Variants in KPNA7 observed in about 807,000 individuals in gnomAD.
KPNA7 encodes the protein importin subunit alpha-8.
KPNA7 carries 54 observed loss-of-function variants against 53.7 expected under a neutral mutation model. The ratio of observed to expected loss-of-function variants is 1.01; its 90% CI spans 0.81 to 1.26. The LOEUF (loss-of-function observed/expected upper bound fraction) is 1.26, where lower values mean the gene tolerates loss of function less well. KPNA7 is among the 50% of genes most tolerant of loss of function. The pLI is 0.00. For missense variants in KPNA7, 640 were observed against 644.5 expected (o/e 0.99, Z 0.07); for synonymous variants, 276 against 259.3 (o/e 1.06, Z -0.62).
chr7:99,183,997 A>C (rs1346267159), intron 8 of KPNA7, among the ~76,000 whole-genome samples: 1 of 151,574 alleles, frequency 6.6e-6, no homozygotes, highest in Non-Finnish European at 1.5e-5. Flanking sequence ...ACAGGCACCC[A>C]CCACCACACC....
chr7:99,213,616 T>A (rs1791132409), intron 1 of KPNA7, among the ~76,000 whole-genome samples: 2 of 151,782 alleles, frequency 1.3e-5, no homozygotes, highest in African/African-American at 4.8e-5. Flanking sequence ...ACTAATTTTT[T>A]AAATTTTTTG....
intron 1 of KPNA7, among the ~76,000 whole-genome samples, chr7:99,218,934 G>A (rs1236936548): frequency 6.6e-6 from 1 of 152,216 alleles, no homozygotes; most frequent in Non-Finnish European, 1.5e-5. Context: ...TTCTCACACA[G>A]GGACAAGCCA....
intron 3 of KPNA7, among the ~76,000 whole-genome samples, chr7:99,200,908 C>T (rs1385412583): frequency 6.6e-6 from 1 of 152,128 alleles, no homozygotes; most frequent in Non-Finnish European, 1.5e-5. Flanking sequence ...ACAAAAGTTG[C>T]AGTGAGCCGA....
chr7:99,196,128 A>G lies in KPNA7; in HGVS notation c.240T>C (p.Asn80=). 1 of 1,551,810 alleles carries G rather than the reference A, an allele frequency of 6.4e-7. No individual in the cohort carries two copies. The change falls in exon 4 of 11, where the codon AAT becomes AAC. Residue 80 remains asparagine (N), a synonymous_variant. Transcript: ENST00000327442. ...GGAAACATAGGACTGGATCTGAGCT[A>G]TTCACACCTTTGATTATTTCACCCA... The part of the protein sequence containing the change: ...LTLGEIIKGV[N]SSDPVLCFQA...
chr7:99,184,206 G>T (rs536691479), intron 8 of KPNA7, among the ~76,000 whole-genome samples: 49 of 143,952 alleles, frequency 3.4e-4, no homozygotes, highest in African/African-American at 1.2e-3. Flanking sequence ...AGAGGCTACA[G>T]TGCAGTGGTG....
At position 99,206,454 on chromosome 7, in the gene KPNA7, G is replaced by C. The variant is rs1790819924; in HGVS notation, c.66+947C>G. 2.0e-5 allele frequency among the ~76,000 whole-genome samples: 3 copies of C among 152,038 alleles called. No homozygotes were observed. In the South Asian group the frequency reaches 6.3e-4, roughly 32 times the overall value. ...TTACAGGTGTGAGCCATCATGCCCA[G>C]CCCAGCCTGGTTTTTTATTTGGTTT... On this transcript the variant is annotated intron_variant, in intron 2 of 10. Transcript: ENST00000327442.
intron 10 of KPNA7, among the ~76,000 whole-genome samples, chr7:99,177,445 C>T (rs2150698566): frequency 6.6e-6 from 1 of 152,058 alleles, no homozygotes; most frequent in Non-Finnish European, 1.5e-5. Flanking sequence ...CGTCGTAGTA[C>T]ATCTCTCTAA....
the KPNA7 span, among the ~76,000 whole-genome samples, chr7:99,151,951 G>A: frequency 3.9e-5 from 6 of 152,134 alleles, no homozygotes; most frequent in African/African-American, 1.4e-4. Flanking sequence ...TTGGGAGGCC[G>A]AGGCAGGCAG....
At chr7:99,159,857 G>A in the KPNA7 span, among the ~76,000 whole-genome samples, 6 of 152,020 alleles carry the variant, frequency 3.9e-5, no homozygotes, top group East Asian at 7.7e-4. Flanking sequence ...TAGTCAATAC[G>A]TCATTTAAGT....
At chr7:99,159,887 CCAAG>C in the KPNA7 span, among the ~76,000 whole-genome samples, 1 of 151,980 alleles carries the variant, frequency 6.6e-6, no homozygotes, top group Non-Finnish European at 1.5e-5. Context: ...TAAGTTCCCC[CCAAG>C]CAATTTTTTA....
intron 3 of KPNA7, among the ~76,000 whole-genome samples, chr7:99,198,292 G>C (rs949866805): frequency 6.6e-6 from 1 of 152,048 alleles, no homozygotes; most frequent in Non-Finnish European, 1.5e-5. Context: ...TTAGAGGCTA[G>C]TATTACTCTG....
intron 10 of KPNA7, 116 bp downstream of exon 10, chr7:99,177,804 G>T (rs1053430078): frequency 5.8e-6 from 6 of 1,032,722 alleles, no homozygotes; most frequent in Admixed American, 5.3e-5. Flanking sequence ...CAGGAGTGAA[G>T]ACCACCTGCC....
chr7:99,177,711 C>T (rs1798961211), intron 10 of KPNA7, among the ~76,000 whole-genome samples: 1 of 151,796 alleles, frequency 6.6e-6, no homozygotes, highest in Non-Finnish European at 1.5e-5. Context: ...ATTAGAATAG[C>T]TTCCAGGCAC....
At chr7:99,148,093 T>C in the KPNA7 span, among the ~76,000 whole-genome samples, 139 of 152,324 alleles carry the variant, frequency 9.1e-4, 1 homozygote, top group Admixed American at 4.2e-3. Context: ...CGCTATCATA[T>C]TGAACTTAAG....
downstream of KPNA7, among the ~76,000 whole-genome samples, chr7:99,170,544 G>T (rs1798753954): frequency 6.6e-6 from 1 of 152,004 alleles, no homozygotes; most frequent in African/African-American, 2.4e-5. Context: ...GTCTTGCTAT[G>T]TTGCCCAGGC....
intron 6 of KPNA7, among the ~76,000 whole-genome samples, chr7:99,190,229 C>T (rs1048004011): frequency 2.6e-5 from 4 of 150,978 alleles, no homozygotes; most frequent in Non-Finnish European, 4.4e-5. Context: ...CCCAGCTACT[C>T]GGGAGGCTGA....
intron 6 of KPNA7, 118 bp from the exon 7 acceptor site, chr7:99,188,681 AT>A: frequency 9.2e-7 from 1 of 1,089,930 alleles, no homozygotes; most frequent in Non-Finnish European, 1.3e-6. Context: ...GCTTTTTAAA[AT>A]TTTATTTATT....
the KPNA7 span, among the ~76,000 whole-genome samples, chr7:99,146,661 G>A: frequency 1.4e-5 from 2 of 140,362 alleles, no homozygotes; most frequent in Admixed American, 7.6e-5. Context: ...GCAGTGAGGC[G>A]AGATTGTGCC....
rs1402530720 is a variant in KPNA7, at chr7:99,215,570, G to A, written c.-23-8081C>T. Among the ~76,000 whole-genome samples, 6 of 149,808 alleles carry A rather than the reference G, an allele frequency of 4.0e-5. No homozygotes were observed. The East Asian group carries it at 7.9e-4, about 20-fold the overall frequency. On this transcript the variant is annotated intron_variant, in intron 1 of 10. Coordinates refer to the KPNA7 transcript ENST00000681060. ...TGTAGGGACATTCTGCAAACCCAGC[G>A]GCAGAGCAGATCCCTGTTGCTTCTC...
Sources: gnomAD v4.1 joint callset for allele counts (sites outside exome capture counted in the v4.1 genomes callset) on GRCh38, gnomAD v4.1.1 for gene constraint, MANE v1.5 for transcripts, NCBI Gene and HGNC (gene_info 2026-07-23, HGNC 2026-07-21) for gene names.